The following TMEM134 variants were observed in gnomAD, a reference collection of about 807,000 sequenced individuals.
The protein encoded by TMEM134 is transmembrane protein 134.
TMEM134 carries 36 observed loss-of-function variants against 26.2 expected under a neutral mutation model. The observed-to-expected ratio is 1.37, with a 90% CI of 1.05 to 1.81. The LOEUF (loss-of-function observed/expected upper bound fraction) is 1.81. Among genes scored for constraint, TMEM134 ranks in the 40% most tolerant of loss-of-function variants. The pLI is 0.00. For synonymous variants in TMEM134, 133 were observed against 113.6 expected, an observed-to-expected ratio of 1.17 and a Z score of -1.08; for missense variants, 339 against 263.5, an observed-to-expected ratio of 1.29 and a Z score of -1.98.
At position 67,464,602 on chromosome 11, in the gene TMEM134, G is replaced by C. The variant is rs988181107; in HGVS notation, c.*12C>G. On this transcript the variant is annotated 3_prime_UTR_variant, in exon 7 of 7. Coordinates refer to ENST00000308022, the MANE Select transcript of TMEM134 (RefSeq NM_025124.4). Reference sequence around the variant, plus strand: ...GCCCCCATGGGCGCAAGGGGTCCACGCTGCGCCGCGATCACTTCTCGAAGT... The same window carrying C: ...GCCCCCATGGGCGCAAGGGGTCCACCCTGCGCCGCGATCACTTCTCGAAGT... 72 of 1,551,604 alleles carry C rather than the reference G, an allele frequency of 4.6e-5. No homozygotes were observed. Among genetic ancestry groups the C allele is most frequent in the Non-Finnish European group, 5.8e-5 (67 of 1,146,954 alleles).
At chr11:67,465,307 T>C (rs1407142109) in intron 4 of TMEM134, 21 of 1,372,870 alleles carry the variant, frequency 1.5e-5, no homozygotes, top group Non-Finnish European at 1.9e-5. Context: ...CTTTGTTCCT[T>C]GGGGTGGGCT....
At position 67,462,930 on chromosome 11, in the gene TMEM134, T is replaced by G. The variant is rs991640673; in HGVS notation, c.*1684A>C. The G allele has an allele frequency of 3.9e-5, 6 of 152,000 alleles. No homozygotes were observed. Among genetic ancestry groups the G allele is most frequent in the African/African-American group, 7.3e-5 (3 of 41,370 alleles). 9.4% of individuals were successfully genotyped at this position (152,000 alleles called of 1,614,324 possible). On this transcript the variant is annotated 3_prime_UTR_variant, in exon 7 of 7. Transcript: ENST00000308022. ...TTGGTCTCGAACTCCTGGGCTCAAGTGATCCTCCCACCGTGGCCTCTCAAA... is the reference window on the plus strand; with the variant it reads ...TTGGTCTCGAACTCCTGGGCTCAAGGGATCCTCCCACCGTGGCCTCTCAAA...
intron 1 of TMEM134, among the ~76,000 whole-genome samples, chr11:67,468,775 G>C (rs370227164): frequency 3.2e-4 from 49 of 152,310 alleles, no homozygotes; most frequent in African/African-American, 1.1e-3. Context: ...TCCCCAGCTG[G>C]AGCTGAGGGA....
Position 67,469,024 on chromosome 11 carries a change from A to G in TMEM134, c.169T>C (p.Tyr57His), listed in dbSNP as rs776596331. 1.0e-4 allele frequency: 151 copies of G among 1,504,392 alleles called. No individual in the cohort carries two copies. In the African/African-American group the frequency reaches 1.8e-3, roughly 18 times the overall value. 93.2% of individuals were successfully genotyped at this position (1,504,392 alleles called of 1,614,324 possible). ...ADEDKQSRLR[Y>H]QNLENDEDGA... The stretch of plus-strand genomic sequence containing the variant: ...AGGTGGGCCGGGCGGTTCACCTGGT[A>G]GCGCAGCCGGGACTGCTTGTCCTCG... The change falls in exon 1 of 7, where the codon TAC (tyrosine) becomes CAC (histidine). Residue 57 changes from tyrosine (Y) to histidine (H), a missense_variant. Physicochemically the swap from Tyr to His is moderately conservative, Grantham distance 83 (BLOSUM62 2). Transcript: ENST00000308022.
In TMEM134 at chr11:67,464,620, C is replaced by T. The variant is rs1250488824; in HGVS notation, c.582G>A (p.Glu194=). 6.4e-7 allele frequency: 1 copy of T among 1,552,318 alleles called. No individual in the cohort carries two copies. The part of the protein sequence containing the change: ...GFQFFYLPYF[E]K ...GGTCCACGCTGCGCCGCGATCACTTCTCGAAGTAGGGCAGGTAGAAGAACT... is the reference window on the plus strand; with the variant it reads ...GGTCCACGCTGCGCCGCGATCACTTTTCGAAGTAGGGCAGGTAGAAGAACT... The change falls in exon 7 of 7, where the codon GAG becomes GAA. Residue 194 remains glutamate, a synonymous_variant. Coordinates refer to ENST00000308022, the MANE Select transcript of TMEM134 (RefSeq NM_025124.4).
chr11:67,468,118 G>A, intron 1 of TMEM134, 26 bp from the exon 2 acceptor site: 1 of 1,552,144 alleles, frequency 6.4e-7, no homozygotes, highest in African/African-American at 1.4e-5. Context: ...GGTCTCAGGG[G>A]GGTTGCTGGG....
In TMEM134 at chr11:67,464,680, G is replaced by A; in HGVS notation, c.522C>T (p.Phe174=). 6.4e-7 allele frequency: 1 copy of A among 1,553,736 alleles called. No individual in the cohort carries two copies. The highest frequency in any genetic ancestry group is 8.7e-7 in the Non-Finnish European group (1 of 1,148,012). The change falls in exon 7 of 7, where the codon TTC becomes TTT. Residue 174 remains phenylalanine (F), a synonymous_variant. Coordinates refer to ENST00000308022, the MANE Select transcript of TMEM134 (RefSeq NM_025124.4). ...GGTGGCCCTTGACCGCGCAGTAGAT[G>A]AAGATCACGTGATAGACTGCGGGGC... The part of the protein sequence containing the change: ...LLVPGVYHVI[F]IYCAVKGHRG...
At chr11:67,467,653 G>A (rs762846662) in intron 2 of TMEM134, 63 bp from the exon 3 acceptor site, 141 of 1,522,318 alleles carry the variant, frequency 9.3e-5, no homozygotes, top group Non-Finnish European at 1.2e-4. Flanking sequence ...TGGGACAGGA[G>A]TCCTGATGAA....
In TMEM134 at chr11:67,467,302, G is replaced by C; in HGVS notation, c.406+10C>G. On this transcript the variant is annotated intron_variant, in intron 4 of 6. Coordinates refer to ENST00000308022, the MANE Select transcript of TMEM134 (RefSeq NM_025124.4). ...GGCCCCTCTTGACCCCAACCCTCAG[G>C]GCCACTCACCCAGCCCCAGCAGCAG... 1 of 1,613,376 alleles carries C rather than the reference G, an allele frequency of 6.2e-7. No homozygotes were observed. Among genetic ancestry groups the C allele is most frequent in the Non-Finnish European group, 8.5e-7 (1 of 1,179,822 alleles).
chr11:67,467,805 G>T, intron 2 of TMEM134: 1 of 656,264 alleles, frequency 1.5e-6, no homozygotes, highest in Non-Finnish European at 2.6e-6. Flanking sequence ...GAAGGTGGGG[G>T]CCAGACCAGA....
intron 5 of TMEM134, 61 bp downstream of exon 5, chr11:67,464,995 G>T: frequency 6.7e-7 from 1 of 1,482,736 alleles, no homozygotes. Context: ...AGGGCTTGCC[G>T]TGGACCCGTG....
At chr11:67,467,611 T>C (rs1210944080) in intron 2 of TMEM134, 21 bp from the exon 3 acceptor site, 1 of 1,612,456 alleles carries the variant, frequency 6.2e-7, no homozygotes, top group Admixed American at 1.7e-5. Context: ...AGGCGCCCAG[T>C]GAGGGGCAGG....
chr11:67,464,192 C>G lies in TMEM134; in HGVS notation c.*422G>C. The G allele has an allele frequency of 3.7e-6, 1 of 268,260 alleles. No individual in the cohort carries two copies. Among genetic ancestry groups the G allele is most frequent in the South Asian group, 3.4e-5 (1 of 29,390 alleles). 16.6% of individuals were successfully genotyped at this position (268,260 alleles called of 1,614,324 possible). ...AGGAGTCCTACGCCCAGCTCTGCCCCTAACATGCCCCGTGCCCTTGGGCAA... is the reference window on the plus strand; with the variant it reads ...AGGAGTCCTACGCCCAGCTCTGCCCGTAACATGCCCCGTGCCCTTGGGCAA... On this transcript the variant is annotated 3_prime_UTR_variant, in exon 7 of 7. Transcript: ENST00000308022.
intron 5 of TMEM134, 77 bp downstream of exon 5, chr11:67,464,979 G>T (rs1351431574): frequency 1.3e-6 from 2 of 1,496,856 alleles, no homozygotes; most frequent in East Asian, 4.6e-5. Flanking sequence ...ACTGCCGGGA[G>T]GTGGGAGGGC....
chr11:67,465,255 C>T (rs1202569580), intron 4 of TMEM134, 155 bp from the exon 5 acceptor site: 3 of 1,506,082 alleles, frequency 2.0e-6, no homozygotes, highest in African/African-American at 2.8e-5. Context: ...CAGAGCAAGG[C>T]ACTGAGCAGG....
At chr11:67,467,223 C>T (rs1024547120) in intron 4 of TMEM134, 89 bp downstream of exon 4, 6 of 1,268,362 alleles carry the variant, frequency 4.7e-6, no homozygotes, top group Admixed American at 3.7e-5. Context: ...CTGGGAGGCT[C>T]AGTGTCAAGG....
In TMEM134 at chr11:67,464,540, C is replaced by T; in HGVS notation, c.*74G>A. 8 of 1,472,930 alleles carry T rather than the reference C, an allele frequency of 5.4e-6. No individual in the cohort carries two copies. Among genetic ancestry groups the T allele is most frequent in the Non-Finnish European group, 7.4e-6 (8 of 1,076,186 alleles). 91.2% of individuals were successfully genotyped at this position (1,472,930 alleles called of 1,614,324 possible). The stretch of plus-strand genomic sequence containing the variant: ...TTCGAGGGTCCTGGAGGGCCTCTTC[C>T]CTTGAGATGAGGGGAACGGAACAGG... On this transcript the variant is annotated 3_prime_UTR_variant, in exon 7 of 7. Coordinates refer to ENST00000308022, the MANE Select transcript of TMEM134 (RefSeq NM_025124.4).
chr11:67,467,553 AC>A lies in TMEM134; in HGVS notation c.276del (p.Trp92CysfsTer25), dbSNP rs1332394901. The A allele has an allele frequency of 6.2e-7, 1 of 1,613,928 alleles. No homozygotes were observed. The highest frequency in any genetic ancestry group is 1.3e-5 in the African/African-American group (1 of 74,904). On this transcript the variant is annotated frameshift_variant, in exon 3 of 7. Transcript: ENST00000308022. LOFTEE classifies it high-confidence loss of function. ...SSRTSIRSSQ[W>X]SFSTISSSTQ... ...GTGCTGCTGCTGATGGTGCTGAAGG[AC>A]CACTGGGAGCTGCGGATGGAAGTTC...
chr11:67,468,090 G>A lies in TMEM134; in HGVS notation c.177C>T (p.Asn59=). The change falls in exon 2 of 7, where the codon AAC becomes AAT. Residue 59 remains asparagine, a splice_region_variant and synonymous_variant. Coordinates refer to ENST00000308022, the MANE Select transcript of TMEM134 (RefSeq NM_025124.4). ...GGGCTCCATCCTCATCGTTCTCCAG[G>A]TTCTGTTGCAGAACACAGGTCTCAG... is the stretch of plus-strand genomic sequence containing the variant. ...EDKQSRLRYQ[N]LENDEDGAQA... 6.4e-7 allele frequency: 1 copy of A among 1,562,760 alleles called. No individual in the cohort carries two copies. Among genetic ancestry groups the A allele is most frequent in the Non-Finnish European group, 8.7e-7 (1 of 1,153,118 alleles).
Sources: gnomAD v4.1 joint callset for allele counts (sites outside exome capture counted in the v4.1 genomes callset) on GRCh38, gnomAD v4.1.1 for gene constraint, MANE v1.5 for transcripts, NCBI Gene and HGNC (gene_info 2026-07-23, HGNC 2026-07-21) for gene names.